The following ANKRD36 variants were observed in gnomAD, a reference collection of about 807,000 sequenced individuals.
ANKRD36 encodes the protein ankyrin repeat domain-containing protein 36A.
ANKRD36 carries 179 observed loss-of-function variants against 278.1 expected under a neutral mutation model. That is an observed-to-expected ratio of 0.64 (90% CI 0.57 to 0.73). The LOEUF is 0.73. Ranked by LOEUF, ANKRD36 falls within the 30% of genes least tolerant of loss-of-function variation. The probability of loss-of-function intolerance (pLI) is 0.00; values close to 1 mark genes in which losing one functional copy is unlikely to be tolerated. For synonymous variants in ANKRD36, 320 were observed against 641.1 expected (o/e 0.50, Z 7.57); for missense variants, 1,159 against 1,956.7 (o/e 0.59, Z 7.69).
At chr2:97,217,640 C>A (rs1260452227) in intron 64 of ANKRD36, among the ~76,000 whole-genome samples, 1 of 151,994 alleles carries the variant, frequency 6.6e-6, no homozygotes, top group Admixed American at 6.6e-5. Flanking sequence ...TAAGAGGATC[C>A]GGGGACAGCA....
chr2:97,211,757 C>T lies in ANKRD36; in HGVS notation c.3469+16C>T, dbSNP rs1357765868. 2.6e-6 allele frequency: 4 copies of T among 1,566,010 alleles called. No individual in the cohort carries two copies. Among genetic ancestry groups the T allele is most frequent in the Non-Finnish European group, 3.5e-6 (4 of 1,155,452 alleles). On this transcript the variant is annotated intron_variant, in intron 58 of 75. Transcript: ENST00000420699. ...TCTGGGACAGGTAATTTTGCAAACA[C>T]ATTTAATATGATGTTCGGTCAGGGT...
chr2:97,116,530 T>A (rs923044765), intron 1 of ANKRD36, among the ~76,000 whole-genome samples: 24 of 152,076 alleles, frequency 1.6e-4, no homozygotes, highest in Non-Finnish European at 2.9e-4. Flanking sequence ...TGCCTCGGCC[T>A]CCCAAAGTTC....
intron 67 of ANKRD36, among the ~76,000 whole-genome samples, chr2:97,226,757 A>G (rs2069818276): frequency 6.6e-6 from 1 of 151,440 alleles, no homozygotes; most frequent in Admixed American, 6.6e-5. Context: ...TTATGGTTTT[A>G]GGTCTAACGT....
At chr2:97,127,420 TG>T (rs1485290197) in intron 6 of ANKRD36, among the ~76,000 whole-genome samples, 4 of 151,976 alleles carry the variant, frequency 2.6e-5, no homozygotes, top group Non-Finnish European at 4.4e-5. Flanking sequence ...TTATGTTGTA[TG>T]TTTTTTTATA....
chr2:97,205,840 A>G (rs1455074526), intron 50 of ANKRD36, 100 bp from the exon 51 acceptor site: 3 of 1,410,076 alleles, frequency 2.1e-6, no homozygotes, highest in Non-Finnish European at 2.9e-6. Flanking sequence ...CTATGCTAAT[A>G]CAGGCAGGAG....
At chr2:97,188,257 T>C (rs528085212) in intron 32 of ANKRD36, among the ~76,000 whole-genome samples, 12 of 151,892 alleles carry the variant, frequency 7.9e-5, no homozygotes, top group African/African-American at 2.4e-4. Flanking sequence ...ACAAAAATTA[T>C]GTTGAATTCT....
intron 6 of ANKRD36, among the ~76,000 whole-genome samples, chr2:97,134,384 C>G (rs1488686197): frequency 6.6e-6 from 1 of 152,040 alleles, no homozygotes. Flanking sequence ...CTGGATCATC[C>G]TTCTCTGTGA....
chr2:97,202,435 A>G, intron 48 of ANKRD36, 42 bp downstream of exon 48: 6 of 1,541,476 alleles, frequency 3.9e-6, no homozygotes, highest in Non-Finnish European at 5.2e-6. Context: ...CAGTCCAGGT[A>G]GATAAGAAGT....
At chr2:97,225,100 A>G (rs1322724565) in intron 67 of ANKRD36, among the ~76,000 whole-genome samples, 18 of 151,942 alleles carry the variant, frequency 1.2e-4, no homozygotes, top group Non-Finnish European at 2.2e-4. Flanking sequence ...AACTGAGTTA[A>G]AAAGTTCCTG....
chr2:97,183,345 A>T lies in ANKRD36; in HGVS notation c.1838-114A>T, dbSNP rs536362517. On this transcript the variant is annotated intron_variant, in intron 26 of 75. Transcript: ENST00000420699. ...CAAAGACACAAACTGTAAAACATCA[A>T]ATCCTACACTAGTGCAGGCAGGAGG... 5.7e-4 allele frequency: 742 copies of T among 1,294,424 alleles called. 2 individuals carry two copies. Among genetic ancestry groups the T allele is most frequent in the Non-Finnish European group, 7.5e-4 (719 of 961,236 alleles). 80.2% of individuals were successfully genotyped at this position (1,294,424 alleles called of 1,614,324 possible).
In ANKRD36 at chr2:97,202,389, G is replaced by C; in HGVS notation, c.2955G>C (p.Arg985Ser). The C allele has an allele frequency of 6.5e-7, 1 of 1,549,888 alleles. No individual in the cohort carries two copies. Among genetic ancestry groups the C allele is most frequent in the Non-Finnish European group, 8.7e-7 (1 of 1,149,500 alleles). The change falls in exon 48 of 76, where the codon AGG (arginine) becomes AGC (serine). Residue 985 changes from arginine to serine, a missense_variant. Transcript: ENST00000420699. ...AAAACAAGGATGGAGAAAAATCTAG[G>C]ACAGGTAATTTTGAAAACAGATTTA... ...ARENKDGEKS[R>S]TVSSEKPPGL...
At chr2:97,152,820 C>T (rs1165867744) in intron 14 of ANKRD36, among the ~76,000 whole-genome samples, 2 of 147,624 alleles carry the variant, frequency 1.4e-5, no homozygotes, top group East Asian at 3.9e-4. Flanking sequence ...ACTTCATTTG[C>T]CCCTAAGCAT....
intron 32 of ANKRD36, 31 bp from the exon 33 acceptor site, chr2:97,189,056 T>C: frequency 1.4e-6 from 1 of 739,904 alleles, no homozygotes; most frequent in South Asian, 1.3e-5. Flanking sequence ...TATTTACATA[T>C]GAGTGATTAT....
At position 97,198,453 on chromosome 2, in the gene ANKRD36, T is replaced by A. The variant is rs776528055; in HGVS notation, c.2654-10T>A. The A allele has an allele frequency of 1.3e-6, 2 of 1,576,992 alleles. No homozygotes were observed. Among genetic ancestry groups the A allele is most frequent in the African/African-American group, 2.7e-5 (2 of 73,626 alleles). On this transcript the variant is annotated splice_polypyrimidine_tract_variant and intron_variant, in intron 42 of 75. Transcript: ENST00000420699. ...CATATGAGTGATTATGAATCCCTTT[T>A]ACTTTTCAGTGTCTTCTGAGAAACC...
chr2:97,167,130 GGAA>G (rs2050965968), intron 20 of ANKRD36, among the ~76,000 whole-genome samples: 1 of 152,218 alleles, frequency 6.6e-6, no homozygotes, highest in Non-Finnish European at 1.5e-5. Context: ...TCCAGGAAAT[GGAA>G]AAACACCAGA....
intron 54 of ANKRD36, among the ~76,000 whole-genome samples, chr2:97,209,448 A>G (rs1359095609): frequency 6.8e-6 from 1 of 146,246 alleles, no homozygotes; most frequent in Non-Finnish European, 1.5e-5. Flanking sequence ...TTAGTTTTTG[A>G]CACGTGACAA....
intron 22 of ANKRD36, among the ~76,000 whole-genome samples, chr2:97,170,688 C>A (rs1393881798): frequency 6.6e-6 from 1 of 151,792 alleles, no homozygotes. Context: ...CAACAAAAGA[C>A]AAAATTGACA....
chr2:97,187,445 G>C, intron 32 of ANKRD36, 44 bp downstream of exon 32: 2 of 898,556 alleles, frequency 2.2e-6, no homozygotes, highest in Non-Finnish European at 2.8e-6. Context: ...AATCCAGATA[G>C]AAAAGAACTT....
chr2:97,206,337 C>A (rs958131888), intron 52 of ANKRD36, among the ~76,000 whole-genome samples: 1 of 151,376 alleles, frequency 6.6e-6, no homozygotes, highest in Non-Finnish European at 1.5e-5. Flanking sequence ...ATACACTTCC[C>A]CACGTTGAAG....
Sources: allele counts gnomAD v4.1 joint callset (sites outside exome capture counted in the v4.1 genomes callset), GRCh38; gene constraint gnomAD v4.1.1; transcripts MANE v1.5; gene names NCBI Gene and HGNC (gene_info 2026-07-23, HGNC 2026-07-21).